The following PNKD variants were observed in gnomAD, a reference collection of about 807,000 sequenced individuals.
The protein encoded by PNKD is PNKD metallo-beta-lactamase domain containing.
PNKD carries 36 observed loss-of-function variants against 45.3 expected under a neutral mutation model. That is an observed-to-expected ratio of 0.80 (90% CI 0.61 to 1.05). The LOEUF (loss-of-function observed/expected upper bound fraction) is 1.05, where lower values mean the gene tolerates loss of function less well. Ranked by LOEUF, PNKD falls within the 50% of genes least tolerant of loss-of-function variation. PNKD has a pLI of 0.00. For missense variants in PNKD, 511 were observed against 506.6 expected (o/e 1.01, Z -0.08); for synonymous variants, 197 against 210.1 (o/e 0.94, Z 0.54).
chr2:218,319,483 C>T (rs546167086), intron 2 of PNKD, among the ~76,000 whole-genome samples: 98 of 141,638 alleles, frequency 6.9e-4, no homozygotes, highest in Middle Eastern at 4.2e-3. Context: ...TCAAGCAGTT[C>T]TCCTGCCTCA....
intron 2 of PNKD, among the ~76,000 whole-genome samples, chr2:218,281,722 T>A (rs1469384696): frequency 6.6e-6 from 1 of 151,918 alleles, no homozygotes; most frequent in East Asian, 1.9e-4. Flanking sequence ...GCCTCATGGA[T>A]CTCCTTGAAC....
rs564765821 is a variant in PNKD, at chr2:218,280,344, C to T, written c.236+8795C>T. ...TTAGGTGGGAAACGTTCCTCACGTG[C>T]ATCTGTGGAGGGCTCCTGTGTGCCC... On this transcript the variant is annotated intron_variant, in intron 2 of 9. Coordinates refer to ENST00000273077, the MANE Select transcript of PNKD (RefSeq NM_015488.5). 1.8e-4 allele frequency: 90 copies of T among 502,344 alleles called. 1 individual carries two copies. The highest frequency in any genetic ancestry group is 1.6e-3 in the South Asian group (76 of 48,808). The allele number at this position is 502,344 out of a possible 1,614,324, so 31.1% of individuals were successfully genotyped here.
rs1694785434 is a variant in PNKD, at chr2:218,344,855, A to C, written c.1032A>C (p.Arg344Ser). 6.2e-7 allele frequency: 1 copy of C among 1,613,808 alleles called. No individual in the cohort carries two copies. The highest frequency in any genetic ancestry group is 8.5e-7 in the Non-Finnish European group (1 of 1,179,862). Residue 344 changes from arginine to serine, a missense_variant, in exon 10 of 10, where the codon AGA becomes AGC. Physicochemically the swap from Arg to Ser is moderately radical, Grantham distance 110. Coordinates refer to ENST00000273077, the MANE Select transcript of PNKD (RefSeq NM_015488.5). ...AGCGCTCCTACAACCCGTTCCTGAGAACCCACTGCCTGGCGCTACAGGAGG... is the reference window on the plus strand; with the variant it reads ...AGCGCTCCTACAACCCGTTCCTGAGCACCCACTGCCTGGCGCTACAGGAGG... ...GEERSYNPFL[R>S]THCLALQEAL...
intron 2 of PNKD, chr2:218,277,728 TGG>T: frequency 6.2e-7 from 1 of 1,608,516 alleles, no homozygotes; most frequent in Non-Finnish European, 8.5e-7. Context: ...GGCAGGGTGC[TGG>T]GGGAGTGGCC....
chr2:218,334,499 A>T (rs545266610), intron 2 of PNKD, among the ~76,000 whole-genome samples: 7 of 152,316 alleles, frequency 4.6e-5, no homozygotes, highest in East Asian at 3.9e-4. Context: ...CTAAAAATTT[A>T]AAAAACTAGC....
intron 2 of PNKD, among the ~76,000 whole-genome samples, chr2:218,301,475 T>C (rs1013791759): frequency 1.3e-5 from 2 of 152,188 alleles, no homozygotes; most frequent in Non-Finnish European, 2.9e-5. Flanking sequence ...AGAGTCTGAC[T>C]AGCACTGTTT....
Position 218,270,588 on chromosome 2 carries a change from C to G in PNKD, c.53C>G (p.Ala18Gly). 9.1e-7 allele frequency: 1 copy of G among 1,097,100 alleles called. No individual in the cohort carries two copies. The highest frequency in any genetic ancestry group is 1.2e-6 in the Non-Finnish European group (1 of 837,674). 68.0% of individuals were successfully genotyped at this position (1,097,100 alleles called of 1,614,324 possible). A position where few individuals can be genotyped will look rare whatever the true frequency, so the allele number is the denominator to read the frequency against. ...TALKGRGARNARVLRGILAGA... is the reference protein window; with the variant it reads ...TALKGRGARNGRVLRGILAGA... ...CTGAAGGGCCGGGGGGCGAGAAATG[C>G]CCGCGTCCTCCGGGGTAAGGAGAGG... Residue 18 changes from alanine (A) to glycine (G), a missense_variant, in exon 1 of 10, where the codon GCC (alanine) becomes GGC (glycine). Ala to Gly is a moderately conservative substitution (Grantham distance 60, BLOSUM62 0). Transcript: ENST00000273077.
chr2:218,274,626 A>G (rs1691026113), intron 2 of PNKD: 1 of 155,504 alleles, frequency 6.4e-6, no homozygotes, highest in Admixed American at 6.5e-5. Context: ...GGCCACACGT[A>G]TGACTCTGCC....
At chr2:218,315,452 C>T (rs1371743460) in intron 2 of PNKD, among the ~76,000 whole-genome samples, 1 of 152,092 alleles carries the variant, frequency 6.6e-6, no homozygotes. Flanking sequence ...CCATGGCGCC[C>T]GGCCAAGGAT....
In PNKD at chr2:218,343,495, C is replaced by A. The variant is rs771442259; in HGVS notation, c.782-5C>A. 6.2e-7 allele frequency: 1 copy of A among 1,612,172 alleles called. No homozygotes were observed. Among genetic ancestry groups the A allele is most frequent in the Non-Finnish European group, 8.5e-7 (1 of 1,178,820 alleles). On this transcript the variant is annotated splice_polypyrimidine_tract_variant and splice_region_variant and intron_variant, in intron 7 of 9. Coordinates refer to ENST00000273077, the MANE Select transcript of PNKD (RefSeq NM_015488.5). ...CTTGTGACATACCCTCCAACCCCCA[C>A]CCAGGGCGGACCTTTGAGGGCAATG...
intron 7 of PNKD, 58 bp downstream of exon 7, chr2:218,342,202 C>G: frequency 1.4e-6 from 2 of 1,432,626 alleles, no homozygotes; most frequent in South Asian, 2.3e-5. Flanking sequence ...GAAGCCAGGG[C>G]AGCCACAGTC....
chr2:218,279,018 A>G, intron 2 of PNKD: 1 of 1,613,808 alleles, frequency 6.2e-7, no homozygotes, highest in Non-Finnish European at 8.5e-7. Context: ...CTGCCCAACC[A>G]CAGAGGAGCA....
At chr2:218,289,625 GAAAA>G (rs10675061) in intron 2 of PNKD, among the ~76,000 whole-genome samples, 91 of 87,768 alleles carry the variant, frequency 1.0e-3, no homozygotes, top group African/African-American at 3.4e-3. Flanking sequence ...CTGGGCGACA[GAAAA>G]AAAAAAAAAA....
In PNKD at chr2:218,326,503, T is replaced by C. The variant is rs920617262; in HGVS notation, c.237-13280T>C. 1.3e-5 allele frequency among the ~76,000 whole-genome samples: 2 copies of C among 152,176 alleles called. No homozygotes were observed. Among genetic ancestry groups the C allele is most frequent in the African/African-American group, 2.4e-5 (1 of 41,440 alleles). ...AACAAATAACTTCTCTGTGCCTTAG[T>C]TGTTTGCATCTATAAAGTGGGGTTG... On this transcript the variant is annotated intron_variant, in intron 2 of 9. Transcript: ENST00000273077. This position sits in a 1 kb window ranked among gnomAD's most constrained non-coding sequence, Gnocchi z 4.1.
chr2:218,290,656 G>A lies in PNKD; in HGVS notation c.236+19107G>A, dbSNP rs950274266. Among the ~76,000 whole-genome samples the A allele has an allele frequency of 5.3e-5, 8 of 152,280 alleles. No individual in the cohort carries two copies. In the East Asian group the frequency reaches 5.8e-4, roughly 11 times the overall value. Reference sequence around the variant, plus strand: ...ACCCCTAACCTCACCTCTGTGCAACGGGGCAAAGCACAAATCATTACAGAC... The same window carrying A: ...ACCCCTAACCTCACCTCTGTGCAACAGGGCAAAGCACAAATCATTACAGAC... On this transcript the variant is annotated intron_variant, in intron 2 of 9. Coordinates refer to ENST00000273077, the MANE Select transcript of PNKD (RefSeq NM_015488.5).
intron 2 of PNKD, chr2:218,279,312 G>A: frequency 6.3e-7 from 1 of 1,589,710 alleles, no homozygotes; most frequent in South Asian, 1.1e-5. Flanking sequence ...TAGCAATGAT[G>A]GCCACAGTGA....
intron 2 of PNKD, among the ~76,000 whole-genome samples, chr2:218,337,029 A>G (rs1394315440): frequency 6.6e-6 from 1 of 151,486 alleles, no homozygotes; most frequent in Admixed American, 6.6e-5. Context: ...CCAATTCCTG[A>G]CCTCAAGTGA....
At chr2:218,317,519 AAGAG>A (rs1693848025) in intron 2 of PNKD, among the ~76,000 whole-genome samples, 1 of 152,232 alleles carries the variant, frequency 6.6e-6, no homozygotes, top group African/African-American at 2.4e-5. Flanking sequence ...ATGAGTCAGG[AAGAG>A]CAATGGCCTT....
chr2:218,281,915 T>A, intron 2 of PNKD: 1 of 1,559,706 alleles, frequency 6.4e-7, no homozygotes, highest in Non-Finnish European at 8.7e-7. Context: ...CCCACCCACC[T>A]TCCATCTGCC....
Sources: gnomAD v4.1 joint callset for allele counts (sites outside exome capture counted in the v4.1 genomes callset) on GRCh38, gnomAD v4.1.1 for gene constraint, Gnocchi (gnomAD v3.1) non-coding constraint, MANE v1.5 for transcripts, NCBI Gene and HGNC (gene_info 2026-07-23, HGNC 2026-07-21) for gene names.